DNAJC7: variants seen among roughly 807,000 people sequenced by gnomAD.
DNAJC7 encodes the protein dnaJ homolog subfamily C member 7.
In DNAJC7, 18 loss-of-function variants were observed where a neutral mutation model predicts 67.4. That is an observed-to-expected ratio of 0.27 (90% CI 0.18 to 0.40). DNAJC7 has a LOEUF of 0.40. Ranked by LOEUF, DNAJC7 falls within the 10% of genes least tolerant of loss-of-function variation. The pLI, the probability that DNAJC7 is intolerant of heterozygous loss-of-function variation, is 1.00. For synonymous variants in DNAJC7, 220 were observed against 207.8 expected (o/e 1.06, Z -0.50); for missense variants, 419 against 613.8 (o/e 0.68, Z 3.35).
At chr17:41,991,712 T>C (rs944783189) in intron 5 of DNAJC7, among the ~76,000 whole-genome samples, 3 of 152,216 alleles carry the variant, frequency 2.0e-5, no homozygotes, top group Non-Finnish European at 4.4e-5. Context: ...GGGGTCTTGC[T>C]CTGCTGTTCA....
At chr17:42,009,601 C>G (rs1230993453) in intron 1 of DNAJC7, among the ~76,000 whole-genome samples, 4 of 152,248 alleles carry the variant, frequency 2.6e-5, no homozygotes, top group Non-Finnish European at 5.9e-5. Context: ...TCTATTACAT[C>G]TACCTAACCT....
At chr17:41,984,953 G>A (rs1243838531) in intron 9 of DNAJC7, 2 of 152,124 alleles carry the variant, frequency 1.3e-5, no homozygotes, top group Non-Finnish European at 2.9e-5. Flanking sequence ...TCAGCCTCCT[G>A]AGTAGCTGGG....
At chr17:41,983,685 G>A (rs2051305416) in intron 9 of DNAJC7, 49 bp from the exon 10 acceptor site, 14 of 1,531,816 alleles carry the variant, frequency 9.1e-6, no homozygotes, top group Non-Finnish European at 1.2e-5. Context: ...AAATAGCAGT[G>A]GTTCTCAGGA....
rs1555652118 is a variant in DNAJC7 at position 42,017,327 on chromosome 17, G to A, written c.77+13C>T. On this transcript the variant is annotated intron_variant, in intron 1 of 13. Coordinates refer to ENST00000457167, the MANE Select transcript of DNAJC7 (RefSeq NM_003315.4). ...TGCAGGTCGCCTCCTCTACTACCCT[G>A]CTACCCGGTTACCTCTTCGCCTCTT... The A allele has an allele frequency of 5.0e-6, 8 of 1,611,410 alleles. No individual in the cohort carries two copies. Among genetic ancestry groups the A allele is most frequent in the Non-Finnish European group, 6.8e-6 (8 of 1,179,888 alleles).
At chr17:41,986,319 C>T (rs1271482005) in intron 9 of DNAJC7, among the ~76,000 whole-genome samples, 3 of 151,928 alleles carry the variant, frequency 2.0e-5, no homozygotes, top group Admixed American at 1.3e-4. Context: ...TGAGCCAGTA[C>T]GGTGCTACTG....
intron 1 of DNAJC7, chr17:42,017,001 G>A: frequency 7.8e-7 from 1 of 1,285,756 alleles, no homozygotes; most frequent in South Asian, 1.6e-5. Context: ...CGGGGGCGAT[G>A]TAAGGAAGTC....
chr17:41,980,214 T>C (rs536120659), intron 12 of DNAJC7, among the ~76,000 whole-genome samples: 230 of 151,760 alleles, frequency 1.5e-3, no homozygotes, highest in Middle Eastern at 6.8e-3. Flanking sequence ...CATGGCTAGC[T>C]AATTTTTGTA....
chr17:41,993,052 G>A (rs977623937), intron 5 of DNAJC7, among the ~76,000 whole-genome samples: 44 of 152,224 alleles, frequency 2.9e-4, no homozygotes, highest in African/African-American at 1.1e-3. Flanking sequence ...ATGGACAGAA[G>A]AGGGATGCTA....
At chr17:41,999,016 T>C (rs115315207) in intron 2 of DNAJC7, among the ~76,000 whole-genome samples, 2,569 of 151,870 alleles carry the variant, frequency 0.017, 77 homozygotes, top group African/African-American at 0.059. Flanking sequence ...TAAGACCCTG[T>C]CTCTATTTTA....
At chr17:42,010,726 A>T (rs111406080) in intron 1 of DNAJC7, among the ~76,000 whole-genome samples, 1 of 152,044 alleles carries the variant, frequency 6.6e-6, no homozygotes, top group East Asian at 1.9e-4. Context: ...TGCCCCTCAC[A>T]CTCTCTCCAA....
At chr17:42,006,134 C>T (rs1381626398) in intron 1 of DNAJC7, among the ~76,000 whole-genome samples, 26 of 150,888 alleles carry the variant, frequency 1.7e-4, no homozygotes, top group Admixed American at 1.6e-3. Context: ...TTAATAGAGA[C>T]GGGATATCAT....
intron 13 of DNAJC7, 152 bp from the exon 14 acceptor site, chr17:41,976,922 G>T: frequency 1.1e-6 from 1 of 870,606 alleles, no homozygotes; most frequent in Non-Finnish European, 1.7e-6. Flanking sequence ...GTTTTTGGGT[G>T]CAAGAGGGAG....
chr17:41,979,570 G>A (rs2051189406), intron 12 of DNAJC7, among the ~76,000 whole-genome samples: 1 of 150,514 alleles, frequency 6.6e-6, no homozygotes, highest in South Asian at 2.1e-4. Flanking sequence ...TGCTCAGGAG[G>A]CTGAGGCAGG....
intron 2 of DNAJC7, among the ~76,000 whole-genome samples, chr17:41,999,278 T>C (rs1205561992): frequency 1.3e-5 from 2 of 151,600 alleles, no homozygotes; most frequent in African/African-American, 2.4e-5. Flanking sequence ...GGTTTCACCA[T>C]GTTAACAGGC....
intron 8 of DNAJC7, among the ~76,000 whole-genome samples, chr17:41,988,421 T>C (rs781981209): frequency 6.6e-6 from 1 of 152,174 alleles, no homozygotes; most frequent in Admixed American, 6.6e-5. Context: ...AAATGATCAC[T>C]TGCATAAGCA....
chr17:41,983,478 T>C (rs1555646297), intron 10 of DNAJC7, 85 bp downstream of exon 10: 2 of 1,221,868 alleles, frequency 1.6e-6, no homozygotes, highest in Non-Finnish European at 2.3e-6. Context: ...AGATCCCTGA[T>C]CCCTGAATCA....
chr17:42,007,458 G>T (rs2143319377), intron 1 of DNAJC7, among the ~76,000 whole-genome samples: 1 of 152,180 alleles, frequency 6.6e-6, no homozygotes, highest in South Asian at 2.1e-4. Flanking sequence ...TAAAGTAAAA[G>T]GAGCCCAGGA....
At chr17:42,017,236 C>A in intron 1 of DNAJC7, 104 bp downstream of exon 1, 2 of 1,599,378 alleles carry the variant, frequency 1.3e-6, no homozygotes, top group South Asian at 1.1e-5. Context: ...TTGCGGAGGG[C>A]GGGGCATCGC....
At position 42,017,356 on chromosome 17, in the gene DNAJC7, C is replaced by G. The variant is rs543894294; in HGVS notation, c.61G>C (p.Asp21His). The stretch of plus-strand genomic sequence containing the variant: ...CCCGGTTACCTCTTCGCCTCTTGGT[C>G]GTCGAGCAGCTCCGGCTCGGTCGCC... ...MAATEPELLD[D>H]QEAKREAETF... Residue 21 changes from aspartate (D) to histidine (H), a missense_variant, in exon 1 of 14, where the codon GAC (aspartate) becomes CAC (histidine). By Grantham distance (81) the Asp-to-His change is moderately conservative. Coordinates refer to ENST00000457167, the MANE Select transcript of DNAJC7 (RefSeq NM_003315.4). The G allele has an allele frequency of 6.2e-7, 1 of 1,611,568 alleles. No homozygotes were observed. The highest frequency in any genetic ancestry group is 8.5e-7 in the Non-Finnish European group (1 of 1,179,876).
Sources: gnomAD v4.1 joint callset for allele counts (sites outside exome capture counted in the v4.1 genomes callset) on GRCh38, gnomAD v4.1.1 for gene constraint, MANE v1.5 for transcripts, NCBI Gene and HGNC (gene_info 2026-07-23, HGNC 2026-07-21) for gene names.